MTSS1: variants seen among roughly 807,000 people sequenced by gnomAD.
The protein encoded by MTSS1 is MTSS I-BAR domain containing 1.
Under a neutral mutation model 79.0 loss-of-function variants are expected in MTSS1, and 18 were observed. The observed-to-expected ratio is 0.23, with a 90% confidence interval of 0.16 to 0.34. The LOEUF is 0.34. Among genes scored for constraint, MTSS1 ranks in the 10% least tolerant of loss-of-function variants. MTSS1 has a pLI of 1.00. For synonymous variants in MTSS1, 341 were observed against 368.6 expected, an observed-to-expected ratio of 0.93 and a Z score of 0.86; for missense variants, 815 against 986.2, an observed-to-expected ratio of 0.83 and a Z score of 2.33.
intron 10 of MTSS1, among the ~76,000 whole-genome samples, chr8:124,561,562 C>A (rs1825326890): frequency 6.6e-6 from 1 of 152,094 alleles, no homozygotes; most frequent in Non-Finnish European, 1.5e-5. Context: ...CTACCCCATC[C>A]ACACTCACAG....
intron 3 of MTSS1, among the ~76,000 whole-genome samples, chr8:124,614,216 G>C (rs953482716): frequency 7.0e-6 from 1 of 142,806 alleles, no homozygotes; most frequent in African/African-American, 2.6e-5. Flanking sequence ...TGGTAGCAAA[G>C]ACATGGGTCC....
rs1478519421 is a variant in MTSS1, at chr8:124,582,734, T to G, written c.460+2353A>C. 4.1e-4 allele frequency among the ~76,000 whole-genome samples: 62 copies of G among 152,206 alleles called. No homozygotes were observed. The highest frequency in any genetic ancestry group is 4.1e-3 in the Admixed American group (62 of 15,274). On this transcript the variant is annotated intron_variant, in intron 6 of 13. Coordinates refer to ENST00000518547, the MANE Select transcript of MTSS1 (RefSeq NM_014751.6). The surrounding 1 kb of genome is among the most constrained non-coding windows in gnomAD (Gnocchi z 4.8). ...CCGGGAATCTGCCACTTGAAGGAGA[T>G]GAAACAGATCCCTCGAGGTGTTCTA...
intron 6 of MTSS1, among the ~76,000 whole-genome samples, chr8:124,572,743 C>CTTT (rs747243821): frequency 1.6e-5 from 2 of 123,666 alleles, no homozygotes; most frequent in Non-Finnish European, 3.4e-5. Flanking sequence ...CTTTTCTTTT[C>CTTT]TTTTTTTTTT....
At chr8:124,565,976 G>A in intron 8 of MTSS1, 2 of 373,288 alleles carry the variant, frequency 5.4e-6, no homozygotes, top group Non-Finnish European at 9.7e-6. Context: ...ATAATTAATA[G>A]GGAGAAGGAA....
At chr8:124,711,863 T>G (rs1251702441) in intron 1 of MTSS1, among the ~76,000 whole-genome samples, 1 of 151,806 alleles carries the variant, frequency 6.6e-6, no homozygotes, top group Non-Finnish European at 1.5e-5. Flanking sequence ...AAAAAATTAG[T>G]GCAGCATGGT....
Position 124,602,660 on chromosome 8 carries a change from TG to T in MTSS1, c.209-11426del, listed in dbSNP as rs200886757. ...CTATAACCCAGACCAACAAAATAAC[TG>T]ATCAGTAAGGAAGCTCCAGGCAAGG... On this transcript the variant is annotated intron_variant, in intron 3 of 13. Transcript: ENST00000518547. Among the ~76,000 whole-genome samples, 859 of 152,170 alleles carry T rather than the reference TG, an allele frequency of 5.6e-3. 4 individuals carry two copies. Among genetic ancestry groups the T allele is most frequent in the African/African-American group, 0.019 (807 of 41,504 alleles).
Position 124,582,193 on chromosome 8 carries a change from A to G in MTSS1, c.460+2894T>C, listed in dbSNP as rs1026075166. Among the ~76,000 whole-genome samples, 2 of 152,198 alleles carry G rather than the reference A, an allele frequency of 1.3e-5. No individual in the cohort carries two copies. Among genetic ancestry groups the G allele is most frequent in the African/African-American group, 4.8e-5 (2 of 41,446 alleles). Reference sequence around the variant, plus strand: ...GCTTGCCTTCAAGAAAAACAGGCACACTCATCCACAGCCATAGCATATCCC... The same window carrying G: ...GCTTGCCTTCAAGAAAAACAGGCACGCTCATCCACAGCCATAGCATATCCC... On this transcript the variant is annotated intron_variant, in intron 6 of 13. Coordinates refer to ENST00000518547, the MANE Select transcript of MTSS1 (RefSeq NM_014751.6). The surrounding 1 kb of genome is among the most constrained non-coding windows in gnomAD (Gnocchi z 4.8).
rs546327287 is a variant in MTSS1 at position 124,554,327 on chromosome 8, G to A, written c.1568-635C>T. ...TGGATAGTTCTTTGTTATGGAGGAC[G>A]TGGTGGGGAGGGGCCGTGCTGTGTA... On this transcript the variant is annotated intron_variant, in intron 13 of 13. Coordinates refer to ENST00000518547, the MANE Select transcript of MTSS1 (RefSeq NM_014751.6). 6.6e-5 allele frequency among the ~76,000 whole-genome samples: 10 copies of A among 152,252 alleles called. No individual in the cohort carries two copies. In the East Asian group the frequency reaches 9.6e-4, roughly 15 times the overall value.
intron 3 of MTSS1, among the ~76,000 whole-genome samples, chr8:124,612,125 C>T (rs1023015390): frequency 7.9e-5 from 12 of 152,178 alleles, no homozygotes; most frequent in African/African-American, 2.7e-4. Flanking sequence ...GAATTAGTAT[C>T]GATTTGGTGA....
In MTSS1 at chr8:124,551,610, A is replaced by G. The variant is rs1025023320; in HGVS notation, c.*1382T>C. The G allele has an allele frequency of 3.3e-5, 5 of 152,606 alleles. No individual in the cohort carries two copies. The highest frequency in any genetic ancestry group is 6.5e-5 in the Admixed American group (1 of 15,282). The allele number at this position is 152,606 out of a possible 1,614,324, so 9.5% of individuals were successfully genotyped here. A position where few individuals can be genotyped will look rare whatever the true frequency, so the allele number is the denominator to read the frequency against. On this transcript the variant is annotated 3_prime_UTR_variant, in exon 14 of 14. Transcript: ENST00000518547. ...GTGCCCTGTTATGACCTGACTGCTA[A>G]GGGACTTGCTTGCTTTCTTAAACAC... is the stretch of plus-strand genomic sequence containing the variant.
At chr8:124,645,097 G>A (rs752523212) in intron 3 of MTSS1, among the ~76,000 whole-genome samples, 1 of 152,184 alleles carries the variant, frequency 6.6e-6, no homozygotes, top group Non-Finnish European at 1.5e-5. Context: ...GCCAGGTGCA[G>A]TGGCTCACAC....
At chr8:124,610,762 G>A (rs1315265088) in intron 3 of MTSS1, among the ~76,000 whole-genome samples, 1 of 152,142 alleles carries the variant, frequency 6.6e-6, no homozygotes, top group Non-Finnish European at 1.5e-5. Flanking sequence ...AAGGGAGGGA[G>A]TAATTACCTG....
chr8:124,559,197 G>A lies in MTSS1; in HGVS notation c.1036-1322C>T, dbSNP rs3793396. ...TGGCATTGGGACTTCGTGCTCTCTT[G>A]GGTGTTTCTTCACGTGCCACAGGCC... is the stretch of plus-strand genomic sequence containing the variant. On this transcript the variant is annotated intron_variant, in intron 10 of 13. Transcript: ENST00000518547. Among the ~76,000 whole-genome samples, 127 of 152,304 alleles carry A rather than the reference G, an allele frequency of 8.3e-4. 3 individuals carry two copies. In the East Asian group the frequency reaches 0.022, roughly 27 times the overall value.
Position 124,727,059 on chromosome 8 carries a change from A to C in MTSS1, c.72+825T>G, listed in dbSNP as rs1833811036. 6.6e-6 allele frequency among the ~76,000 whole-genome samples: 1 copy of C among 151,850 alleles called. No homozygotes were observed. On this transcript the variant is annotated intron_variant, in intron 1 of 13. Transcript: ENST00000518547. This position sits in a 1 kb window ranked among gnomAD's most constrained non-coding sequence, Gnocchi z 4.7. The stretch of plus-strand genomic sequence containing the variant: ...CCCAGTCCCACCCTTTGCAGGAAAA[A>C]ACCAGGGTGTTGTTCCCCGCCCCCA...
At position 124,676,954 on chromosome 8, in the gene MTSS1, C is replaced by A. The variant is rs77278483; in HGVS notation, c.208+22572G>T. On this transcript the variant is annotated intron_variant, in intron 3 of 13. Coordinates refer to ENST00000518547, the MANE Select transcript of MTSS1 (RefSeq NM_014751.6). ...TACATAATAAAGTCAGTCAGATGAA[C>A]ATTCTCATACTGTGTTCCCCATGTG... Among the ~76,000 whole-genome samples the A allele has an allele frequency of 1.4e-4, 22 of 152,278 alleles. No homozygotes were observed. In the East Asian group the frequency reaches 4.1e-3, roughly 28 times the overall value.
intron 3 of MTSS1, among the ~76,000 whole-genome samples, chr8:124,610,903 C>A (rs1835675880): frequency 6.6e-6 from 1 of 152,178 alleles, no homozygotes; most frequent in Admixed American, 6.5e-5. Context: ...GAGCTAGTTT[C>A]CAATTCTAGC....
chr8:124,646,300 C>T (rs970085083), intron 3 of MTSS1, among the ~76,000 whole-genome samples: 1 of 152,128 alleles, frequency 6.6e-6, no homozygotes, highest in Admixed American at 6.5e-5. Flanking sequence ...ACTTCACAAT[C>T]GGGAGAACAT....
At chr8:124,708,971 A>G (rs1830768219) in intron 1 of MTSS1, among the ~76,000 whole-genome samples, 2 of 152,124 alleles carry the variant, frequency 1.3e-5, no homozygotes, top group Admixed American at 6.5e-5. Flanking sequence ...ATTAAAATTT[A>G]AAGGCAAAGT....
chr8:124,572,923 T>C (rs1828145943), intron 6 of MTSS1, among the ~76,000 whole-genome samples: 1 of 151,986 alleles, frequency 6.6e-6, no homozygotes, highest in Non-Finnish European at 1.5e-5. Flanking sequence ...ATTTTTGTAT[T>C]TTTAGTAGAG....
Sources: gnomAD v4.1 joint callset for allele counts (sites outside exome capture counted in the v4.1 genomes callset) on GRCh38, gnomAD v4.1.1 for gene constraint, Gnocchi (gnomAD v3.1) non-coding constraint, MANE v1.5 for transcripts, NCBI Gene and HGNC (gene_info 2026-07-23, HGNC 2026-07-21) for gene names.